The following XRCC5 variants were observed in gnomAD, a reference collection of about 807,000 sequenced individuals.
The protein encoded by XRCC5 is X-ray repair cross complementing 5, also known as DNA repair protein Ku80.
XRCC5 carries 12 observed loss-of-function variants against 95.7 expected under a neutral mutation model. The ratio of observed to expected loss-of-function variants is 0.13; its 90% confidence interval spans 0.08 to 0.20. The LOEUF is 0.20. Among genes scored for constraint, XRCC5 ranks in the 10% least tolerant of loss-of-function variants. XRCC5 has a pLI of 1.00. For synonymous variants in XRCC5, 281 were observed against 290.3 expected (o/e 0.97, Z 0.33); for missense variants, 595 against 873.9 (o/e 0.68, Z 4.02).
At chr2:216,110,900 T>C (rs1157802957) in intron 1 of XRCC5, among the ~76,000 whole-genome samples, 2 of 152,186 alleles carry the variant, frequency 1.3e-5, no homozygotes, top group African/African-American at 4.8e-5. Context: ...GTTTTTTTTT[T>C]CAAATAATCT....
intron 4 of XRCC5, 147 bp from the exon 5 acceptor site, chr2:216,118,896 G>A: frequency 9.6e-6 from 8 of 835,208 alleles, no homozygotes; most frequent in Non-Finnish European, 1.5e-5. Flanking sequence ...AATTTAATAA[G>A]AACTTAATTG....
At chr2:216,163,867 G>A (rs41301712) in intron 16 of XRCC5, among the ~76,000 whole-genome samples, 5,207 of 152,298 alleles carry the variant, frequency 0.034, 122 homozygotes, top group Middle Eastern at 0.099. Context: ...CTTAAGTGGG[G>A]TGTATATGTT....
intron 2 of XRCC5, among the ~76,000 whole-genome samples, chr2:216,113,958 A>T (rs1014000102): frequency 2.6e-5 from 4 of 152,124 alleles, no homozygotes; most frequent in African/African-American, 9.7e-5. Flanking sequence ...CATTTAAGGG[A>T]GGAGAATTAG....
At chr2:216,112,905 C>G in intron 1 of XRCC5, 111 bp from the exon 2 acceptor site, 1 of 812,482 alleles carries the variant, frequency 1.2e-6, no homozygotes, top group Non-Finnish European at 2.0e-6. Context: ...CCCTTTTTCA[C>G]ACCTTTCCTA....
intron 10 of XRCC5, 87 bp downstream of exon 10, chr2:216,132,474 A>C: frequency 7.5e-7 from 1 of 1,330,018 alleles, no homozygotes; most frequent in Non-Finnish European, 1.1e-6. Flanking sequence ...TTTATAGTTT[A>C]AAATGACATG....
At chr2:216,148,396 C>G in intron 14 of XRCC5, 120 bp downstream of exon 14, 1 of 905,106 alleles carries the variant, frequency 1.1e-6, no homozygotes, top group Non-Finnish European at 1.6e-6. Flanking sequence ...AGGAAGAAGC[C>G]TTTTGCTATT....
chr2:216,170,577 C>T (rs367814372), intron 16 of XRCC5, among the ~76,000 whole-genome samples: 5 of 152,084 alleles, frequency 3.3e-5, no homozygotes, highest in South Asian at 2.1e-4. Context: ...AGTCCTCTGC[C>T]GTGATTCATT....
intron 2 of XRCC5, among the ~76,000 whole-genome samples, chr2:216,116,316 A>G (rs1416759685): frequency 2.0e-5 from 3 of 152,126 alleles, no homozygotes; most frequent in African/African-American, 7.2e-5. Context: ...GACATTCCAT[A>G]AAGACATACT....
At chr2:216,162,191 G>C in intron 16 of XRCC5, 143 bp downstream of exon 16, 1 of 741,710 alleles carries the variant, frequency 1.3e-6, no homozygotes, top group Non-Finnish European at 2.3e-6. Flanking sequence ...CCTTGTTAGG[G>C]AGCTCACTGA....
chr2:216,190,102 C>A, intron 16 of XRCC5, 123 bp from the exon 17 acceptor site: 1 of 662,678 alleles, frequency 1.5e-6, no homozygotes, highest in Non-Finnish European at 2.4e-6. Context: ...AGAAGTATGG[C>A]AATTGTGCTT....
At chr2:216,164,121 G>C (rs1036292589) in intron 16 of XRCC5, among the ~76,000 whole-genome samples, 4 of 152,156 alleles carry the variant, frequency 2.6e-5, no homozygotes, top group African/African-American at 7.2e-5. Context: ...ATTGTTACAG[G>C]GTGCTCGGAA....
chr2:216,151,567 A>C (rs932358171), intron 14 of XRCC5, among the ~76,000 whole-genome samples: 6 of 152,202 alleles, frequency 3.9e-5, no homozygotes, highest in Admixed American at 1.3e-4. Context: ...GGCATAGGTT[A>C]CATATCCTCT....
chr2:216,154,569 C>T lies in XRCC5; in HGVS notation c.1671-5499C>T, dbSNP rs189030821. Reference sequence around the variant, plus strand: ...ACCCCTTTCCAATTCATGCTGCTACCTGAGTGAGTTTAAAAAACAAACCTG... The same window carrying T: ...ACCCCTTTCCAATTCATGCTGCTACTTGAGTGAGTTTAAAAAACAAACCTG... On this transcript the variant is annotated intron_variant, in intron 14 of 20. Coordinates refer to ENST00000392132, the MANE Select transcript of XRCC5 (RefSeq NM_021141.4). 8.5e-5 allele frequency among the ~76,000 whole-genome samples: 13 copies of T among 152,250 alleles called. 1 individual carries two copies. Among genetic ancestry groups the T allele is most frequent in the Admixed American group, 8.5e-4 (13 of 15,290 alleles).
intron 4 of XRCC5, 131 bp from the exon 5 acceptor site, chr2:216,118,912 C>T: frequency 1.0e-6 from 1 of 969,354 alleles, no homozygotes; most frequent in Non-Finnish European, 1.6e-6. Flanking sequence ...AATTGGACTA[C>T]TAGAATGTAA....
chr2:216,138,603 TG>T (rs1697125726), intron 12 of XRCC5, among the ~76,000 whole-genome samples: 2 of 152,178 alleles, frequency 1.3e-5, no homozygotes, highest in African/African-American at 4.8e-5. Flanking sequence ...TTTTGTAGTT[TG>T]CACCAACAGT....
chr2:216,146,675 C>T (rs750242988), intron 13 of XRCC5, among the ~76,000 whole-genome samples: 1 of 152,118 alleles, frequency 6.6e-6, no homozygotes, highest in Admixed American at 6.5e-5. Context: ...AGAGCATTTC[C>T]TTTTCTGGGC....
chr2:216,155,560 G>A (rs933137452), intron 14 of XRCC5, among the ~76,000 whole-genome samples: 33 of 152,166 alleles, frequency 2.2e-4, no homozygotes, highest in Non-Finnish European at 4.4e-4. Context: ...TGTTACAGTA[G>A]GACATTAGAA....
intron 6 of XRCC5, 53 bp from the exon 7 acceptor site, chr2:216,125,864 A>G (rs1186377916): frequency 5.7e-6 from 8 of 1,411,294 alleles, no homozygotes; most frequent in Non-Finnish European, 8.0e-6. Flanking sequence ...ATCATCCAGC[A>G]CAAGTTAACA....
At position 216,204,363 on chromosome 2, in the gene XRCC5, T is replaced by C. The variant is rs1256899974; in HGVS notation, c.2151T>C (p.Ala717=). ...PKDKPSGDTA[A]VFEEGGDVDD... ...ACAAACCAAGTGGAGACACAGCAGC[T>C]GTATTTGAAGAAGGTGGTGATGTGG... Residue 717 remains alanine (A), a synonymous_variant, in exon 20 of 21, where the codon GCT becomes GCC. Coordinates refer to ENST00000392132, the MANE Select transcript of XRCC5 (RefSeq NM_021141.4). The C allele has an allele frequency of 6.2e-7, 1 of 1,613,992 alleles. No individual in the cohort carries two copies. The highest frequency in any genetic ancestry group is 1.1e-5 in the South Asian group (1 of 91,084).
Sources: gnomAD v4.1 joint callset for allele counts (sites outside exome capture counted in the v4.1 genomes callset) on GRCh38, gnomAD v4.1.1 for gene constraint, MANE v1.5 for transcripts, NCBI Gene and HGNC (gene_info 2026-07-23, HGNC 2026-07-21) for gene names.